CNTNAP2: variants seen among roughly 807,000 people sequenced by gnomAD.
The protein encoded by CNTNAP2 is contactin-associated protein-like 2.
Under a neutral mutation model 155.2 loss-of-function variants are expected in CNTNAP2, and 98 were observed. That is an observed-to-expected ratio of 0.63 (90% CI 0.54 to 0.75). CNTNAP2 has a LOEUF of 0.75. CNTNAP2 is among the 30% of genes least tolerant of loss of function. The pLI is 0.00. For missense variants in CNTNAP2, 1,727 were observed against 1,688.1 expected (o/e 1.02, Z -0.40); for synonymous variants, 651 against 631.2 (o/e 1.03, Z -0.47).
At chr7:147,275,160 A>G (rs914512368) in intron 8 of CNTNAP2, among the ~76,000 whole-genome samples, 4 of 152,086 alleles carry the variant, frequency 2.6e-5, no homozygotes, top group Non-Finnish European at 1.5e-5. Context: ...TTGGTTCCAT[A>G]TGAAATTTAG....
intron 6 of CNTNAP2, among the ~76,000 whole-genome samples, chr7:147,124,125 A>G (rs928948406): frequency 2.6e-5 from 4 of 152,208 alleles, no homozygotes; most frequent in African/African-American, 9.6e-5. Context: ...TCTCCTTGAT[A>G]TATCCACACA....
chr7:146,820,802 A>AGTCTCTGT lies in CNTNAP2; in HGVS notation c.209-18908_209-18901dup, dbSNP rs1182759215. Among the ~76,000 whole-genome samples the AGTCTCTGT allele has an allele frequency of 2.0e-5, 3 of 152,092 alleles. No homozygotes were observed. The East Asian group carries it at 5.8e-4, about 29-fold the overall frequency. On this transcript the variant is annotated intron_variant, in intron 2 of 23. Transcript: ENST00000361727. Reference sequence around the variant, plus strand: ...CCCATTATTATTGTGTGGGAGTCTCAGTCTCTGTAGGTCACTAAGGACTTC... The same window carrying AGTCTCTGT: ...CCCATTATTATTGTGTGGGAGTCTCAGTCTCTGTGTCTCTGTAGGTCACTAAGGACTTC...
chr7:146,281,876 A>G (rs576831594), intron 1 of CNTNAP2, among the ~76,000 whole-genome samples: 2 of 152,316 alleles, frequency 1.3e-5, no homozygotes, highest in East Asian at 3.9e-4. Flanking sequence ...AGTGAGGATA[A>G]AATATGAAAT....
chr7:147,072,686 A>G (rs963420616), intron 4 of CNTNAP2, among the ~76,000 whole-genome samples: 3 of 152,068 alleles, frequency 2.0e-5, no homozygotes, highest in Non-Finnish European at 1.5e-5. Flanking sequence ...AATGCCTCCC[A>G]TGTGTCAGTC....
chr7:147,715,465 C>A (rs927943367), intron 13 of CNTNAP2, among the ~76,000 whole-genome samples: 19 of 152,098 alleles, frequency 1.2e-4, no homozygotes, highest in Admixed American at 1.3e-4. Context: ...GGCTAATCTG[C>A]CATCTGTATA....
At chr7:147,462,586 G>A (rs1024794917) in intron 10 of CNTNAP2, among the ~76,000 whole-genome samples, 1 of 152,178 alleles carries the variant, frequency 6.6e-6, no homozygotes, top group Non-Finnish European at 1.5e-5. Context: ...ACAGTGTTTA[G>A]CAATTGACGT....
intron 8 of CNTNAP2, among the ~76,000 whole-genome samples, chr7:147,154,197 G>T (rs1406108751): frequency 6.6e-6 from 1 of 151,980 alleles, no homozygotes; most frequent in Non-Finnish European, 1.5e-5. Flanking sequence ...CATTGGTAAA[G>T]GTGAAACCTG....
At chr7:146,918,785 T>C (rs1796444465) in intron 3 of CNTNAP2, among the ~76,000 whole-genome samples, 1 of 152,254 alleles carries the variant, frequency 6.6e-6, no homozygotes, top group Non-Finnish European at 1.5e-5. Context: ...TTCCAAACTT[T>C]TAGATTTCTC....
chr7:147,920,355 C>CA (rs35672069), intron 14 of CNTNAP2, among the ~76,000 whole-genome samples: 10,482 of 86,568 alleles, frequency 0.12, 995 homozygotes, highest in East Asian at 0.21. Context: ...GACTCCGTCT[C>CA]AAAAAAAAAA....
At chr7:147,190,624 G>A (rs898292285) in intron 8 of CNTNAP2, among the ~76,000 whole-genome samples, 2 of 152,086 alleles carry the variant, frequency 1.3e-5, no homozygotes, top group Non-Finnish European at 2.9e-5. Context: ...TGGATATACC[G>A]ATGTGCATTC....
chr7:148,401,923 C>A (rs939699819), intron 22 of CNTNAP2, among the ~76,000 whole-genome samples: 2 of 152,152 alleles, frequency 1.3e-5, no homozygotes, highest in Non-Finnish European at 1.5e-5. Context: ...AATTAAAATA[C>A]CTCTTTATCG....
chr7:146,493,549 C>T (rs1159744454), intron 1 of CNTNAP2, among the ~76,000 whole-genome samples: 1 of 152,062 alleles, frequency 6.6e-6, no homozygotes, highest in Non-Finnish European at 1.5e-5. Flanking sequence ...CAGAAGACAG[C>T]ATGTTTCTAA....
chr7:146,349,969 G>T (rs1219649845), intron 1 of CNTNAP2, among the ~76,000 whole-genome samples: 1 of 152,088 alleles, frequency 6.6e-6, no homozygotes, highest in Non-Finnish European at 1.5e-5. Flanking sequence ...TTCTCGAGGA[G>T]TATCTCTGTG....
chr7:146,659,328 C>G (rs963665132), intron 1 of CNTNAP2, among the ~76,000 whole-genome samples: 1 of 152,070 alleles, frequency 6.6e-6, no homozygotes, highest in Non-Finnish European at 1.5e-5. Flanking sequence ...TACTTTCAGG[C>G]CTGCCTTTGG....
chr7:148,409,968 G>T (rs113710002), intron 23 of CNTNAP2, among the ~76,000 whole-genome samples: 3 of 87,278 alleles, frequency 3.4e-5, no homozygotes, highest in African/African-American at 1.1e-4. Context: ...GGAGAATGGC[G>T]TGAACCTGGG....
intron 2 of CNTNAP2, among the ~76,000 whole-genome samples, chr7:146,781,070 T>C (rs548842875): frequency 1.3e-5 from 2 of 151,514 alleles, no homozygotes; most frequent in East Asian, 3.9e-4. Flanking sequence ...CTACTAAAAA[T>C]ACAGAGAATT....
chr7:148,021,983 A>G (rs79091998), intron 15 of CNTNAP2, among the ~76,000 whole-genome samples: 1,770 of 152,198 alleles, frequency 0.012, 34 homozygotes, highest in African/African-American at 0.041. Context: ...ACCCAAAGGA[A>G]CAGAAGGCTG....
chr7:147,250,198 A>G (rs1804164952), intron 8 of CNTNAP2, among the ~76,000 whole-genome samples: 1 of 152,128 alleles, frequency 6.6e-6, no homozygotes, highest in Non-Finnish European at 1.5e-5. Context: ...ACAAATCCAG[A>G]TATGTTAATA....
chr7:147,597,149 C>CTTAATAAAATTGCTTTCACTT (rs1285679893), intron 12 of CNTNAP2, among the ~76,000 whole-genome samples: 8 of 152,170 alleles, frequency 5.3e-5, no homozygotes, highest in African/African-American at 1.9e-4. Context: ...CCTTTACTTT[C>CTTAATAAAATTGCTTTCACTT]TTAATAAAAT....
Sources: allele counts gnomAD v4.1 joint callset (sites outside exome capture counted in the v4.1 genomes callset), GRCh38; gene constraint gnomAD v4.1.1; transcripts MANE v1.5; gene names NCBI Gene and HGNC (gene_info 2026-07-23, HGNC 2026-07-21).